PTPRG: variants seen among roughly 807,000 people sequenced by gnomAD.
PTPRG encodes protein tyrosine phosphatase receptor type G.
PTPRG carries 102 observed loss-of-function variants against 165.3 expected under a neutral mutation model. The ratio of observed to expected loss-of-function variants is 0.62; its 90% CI spans 0.53 to 0.73. PTPRG has a LOEUF of 0.73. PTPRG is among the 30% of genes least tolerant of loss of function. PTPRG has a pLI of 0.00. For missense variants in PTPRG, 1,866 were observed against 1,861.4 expected (o/e 1.00, Z -0.05); for synonymous variants, 675 against 669.5 (o/e 1.01, Z -0.13).
chr3:61,814,160 C>G (rs1439992490), intron 2 of PTPRG, among the ~76,000 whole-genome samples: 2 of 152,218 alleles, frequency 1.3e-5, no homozygotes, highest in Admixed American at 6.5e-5. Flanking sequence ...CTCAGCCTCC[C>G]AAAGTGCTGG....
chr3:62,067,373 C>A (rs527791646), intron 4 of PTPRG, among the ~76,000 whole-genome samples: 69 of 152,006 alleles, frequency 4.5e-4, no homozygotes, highest in Non-Finnish European at 8.7e-4. Context: ...TGGCCTCTAC[C>A]TGCTAGATCA....
At chr3:61,985,736 AT>A (rs1163200915) in intron 2 of PTPRG, among the ~76,000 whole-genome samples, 3 of 152,140 alleles carry the variant, frequency 2.0e-5, no homozygotes. Context: ...ACCTTCTTTG[AT>A]TACAGAGGTC....
chr3:62,194,694 T>G (rs921517352), intron 9 of PTPRG, among the ~76,000 whole-genome samples: 1 of 151,846 alleles, frequency 6.6e-6, no homozygotes, highest in East Asian at 1.9e-4. Context: ...TCCCAGCTAC[T>G]CGGGAGGCTG....
intron 2 of PTPRG, among the ~76,000 whole-genome samples, chr3:61,819,749 C>T (rs2035898539): frequency 6.6e-6 from 1 of 152,022 alleles, no homozygotes; most frequent in Non-Finnish European, 1.5e-5. Context: ...AATCTTTATA[C>T]AACAGAGGGT....
chr3:61,909,498 C>T (rs1186663476), intron 2 of PTPRG, among the ~76,000 whole-genome samples: 1 of 152,082 alleles, frequency 6.6e-6, no homozygotes, highest in Admixed American at 6.5e-5. Flanking sequence ...CACAGGTGCA[C>T]CACCACACCT....
intron 28 of PTPRG, among the ~76,000 whole-genome samples, chr3:62,286,940 T>C (rs1014930206): frequency 6.6e-6 from 1 of 152,158 alleles, no homozygotes; most frequent in African/African-American, 2.4e-5. Context: ...ATGCAGAAGA[T>C]ATTTAAAAGT....
At chr3:62,146,631 T>TAA (rs3073630) in intron 6 of PTPRG, among the ~76,000 whole-genome samples, 19,745 of 146,130 alleles carry the variant, frequency 0.14, 1,488 homozygotes, top group East Asian at 0.36. Flanking sequence ...CTGTTGCTTT[T>TAA]AAAAAAAAAA....
chr3:62,152,319 A>G (rs1704366982), intron 6 of PTPRG, among the ~76,000 whole-genome samples: 1 of 152,082 alleles, frequency 6.6e-6, no homozygotes, highest in Non-Finnish European at 1.5e-5. Context: ...TTGCGGTGCC[A>G]CCACAGCCTA....
intron 2 of PTPRG, among the ~76,000 whole-genome samples, chr3:61,970,904 T>C (rs1051280846): frequency 6.6e-6 from 1 of 152,186 alleles, no homozygotes; most frequent in South Asian, 2.1e-4. Flanking sequence ...AGTCCATATA[T>C]GGAAAGTTAT....
intron 1 of PTPRG, among the ~76,000 whole-genome samples, chr3:61,710,533 G>A (rs945274086): frequency 1.3e-5 from 2 of 152,100 alleles, no homozygotes; most frequent in African/African-American, 2.4e-5. Flanking sequence ...GTGGCCCAGG[G>A]CAGCATGTAC....
chr3:61,725,305 C>G (rs1354763669), intron 1 of PTPRG, among the ~76,000 whole-genome samples: 2 of 152,004 alleles, frequency 1.3e-5, no homozygotes, highest in Non-Finnish European at 2.9e-5. Flanking sequence ...TTAGTAGAGA[C>G]AGGATTTTCA....
intron 1 of PTPRG, among the ~76,000 whole-genome samples, chr3:61,597,036 G>A (rs537734356): frequency 3.9e-5 from 6 of 152,168 alleles, no homozygotes; most frequent in Non-Finnish European, 8.8e-5. Context: ...GGGTCTTCTC[G>A]CTGTGTCATC....
rs758726727 is a variant in PTPRG, at chr3:61,742,488, C to T, written c.86-6390C>T. On this transcript the variant is annotated intron_variant, in intron 1 of 29. Coordinates refer to ENST00000474889, the MANE Select transcript of PTPRG (RefSeq NM_002841.4). ...GGCGCTGGGGCTTGCCCATGGTGCT[C>T]TCGATATATAAGGCCCGGACATTCT... 4 of 1,590,170 alleles carry T rather than the reference C, an allele frequency of 2.5e-6. No homozygotes were observed. In the African/African-American group the frequency reaches 5.5e-5, roughly 22 times the overall value.
chr3:61,632,700 C>T (rs1701801754), intron 1 of PTPRG, among the ~76,000 whole-genome samples: 1 of 152,174 alleles, frequency 6.6e-6, no homozygotes, highest in South Asian at 2.1e-4. Flanking sequence ...TACCAAGGGC[C>T]ACCCAGCAAG....
intron 2 of PTPRG, 104 bp downstream of exon 2, chr3:61,749,086 C>T (rs1229849315): frequency 3.1e-6 from 3 of 955,220 alleles, no homozygotes; most frequent in African/African-American, 1.6e-5. Context: ...GTTCTGTTTG[C>T]TCAAATCTTT....
intron 2 of PTPRG, among the ~76,000 whole-genome samples, chr3:61,832,561 A>T (rs1012310070): frequency 1.3e-4 from 20 of 152,140 alleles, no homozygotes; most frequent in African/African-American, 4.8e-4. Context: ...TCAGGTCCTT[A>T]TCTGACATTA....
intron 2 of PTPRG, among the ~76,000 whole-genome samples, chr3:61,859,834 C>T (rs765393855): frequency 1.8e-4 from 27 of 152,062 alleles, no homozygotes; most frequent in Non-Finnish European, 3.7e-4. Flanking sequence ...ATTATTGTTT[C>T]TTTTCTTGTT....
At chr3:62,099,247 A>C (rs1344196837) in intron 5 of PTPRG, among the ~76,000 whole-genome samples, 1 of 152,168 alleles carries the variant, frequency 6.6e-6, no homozygotes, top group Non-Finnish European at 1.5e-5. Flanking sequence ...ATAACCATCT[A>C]TTTCTGCCTC....
At chr3:61,618,082 A>G (rs902881886) in intron 1 of PTPRG, among the ~76,000 whole-genome samples, 1 of 152,188 alleles carries the variant, frequency 6.6e-6, no homozygotes, top group African/African-American at 2.4e-5. Flanking sequence ...TGGAAGAACT[A>G]TTCTTGCATC....
Sources: gnomAD v4.1 joint callset for allele counts (sites outside exome capture counted in the v4.1 genomes callset) on GRCh38, gnomAD v4.1.1 for gene constraint, MANE v1.5 for transcripts, NCBI Gene and HGNC (gene_info 2026-07-23, HGNC 2026-07-21) for gene names.